Variants in SLC1A2 observed in about 807,000 individuals in gnomAD.
The protein encoded by SLC1A2 is excitatory amino acid transporter 2.
A neutral mutation model predicts 48.8 loss-of-function variants in SLC1A2; 15 were observed. The ratio of observed to expected loss-of-function variants is 0.31; its 90% CI spans 0.21 to 0.47. SLC1A2 has a LOEUF of 0.47. SLC1A2 is among the 20% of genes least tolerant of loss of function. The pLI is 0.99. For missense variants in SLC1A2, 502 were observed against 730.5 expected (o/e 0.69, Z 3.61); for synonymous variants, 279 against 272.6 (o/e 1.02, Z -0.23).
intron 1 of SLC1A2, among the ~76,000 whole-genome samples, chr11:35,401,962 C>T (rs1855152606): frequency 6.6e-6 from 1 of 152,030 alleles, no homozygotes; most frequent in Admixed American, 6.6e-5. Context: ...TTCCTGTGCC[C>T]CCACCCAACA....
chr11:35,296,442 T>G (rs1225313983), intron 6 of SLC1A2, among the ~76,000 whole-genome samples: 1 of 152,200 alleles, frequency 6.6e-6, no homozygotes, highest in Non-Finnish European at 1.5e-5. Context: ...TTGTTAAAAG[T>G]TACCATTTGT....
intron 1 of SLC1A2, among the ~76,000 whole-genome samples, chr11:35,374,901 A>C (rs987784861): frequency 5.9e-5 from 9 of 152,210 alleles, no homozygotes; most frequent in African/African-American, 1.9e-4. Flanking sequence ...TAAATCGTAC[A>C]TGTGTATAGT....
intron 1 of SLC1A2, among the ~76,000 whole-genome samples, chr11:35,353,983 G>A (rs1853364474): frequency 6.6e-6 from 1 of 152,106 alleles, no homozygotes; most frequent in Non-Finnish European, 1.5e-5. Context: ...TGGTACCACT[G>A]GTTAAAAATC....
chr11:35,292,660 A>C, intron 6 of SLC1A2, 140 bp from the exon 7 acceptor site: 1 of 583,700 alleles, frequency 1.7e-6, no homozygotes, highest in East Asian at 2.8e-5. Flanking sequence ...AGTTCATGTT[A>C]TTTTTTACTT....
intron 1 of SLC1A2, among the ~76,000 whole-genome samples, chr11:35,380,183 A>C (rs1215585665): frequency 2.0e-5 from 3 of 152,188 alleles, no homozygotes; most frequent in Non-Finnish European, 4.4e-5. Context: ...CAAGTTCCCA[A>C]ACTGTAGATG....
At chr11:35,332,837 G>A (rs1443044707) in intron 1 of SLC1A2, among the ~76,000 whole-genome samples, 1 of 152,178 alleles carries the variant, frequency 6.6e-6, no homozygotes, top group East Asian at 1.9e-4. Context: ...GAAGTCTGCA[G>A]CACACGCTAC....
chr11:35,380,216 C>T (rs1854377852), intron 1 of SLC1A2: 1 of 396,116 alleles, frequency 2.5e-6, no homozygotes, highest in Non-Finnish European at 4.4e-6. Context: ...TGCCAATACC[C>T]TCAGCTCTGC....
At position 35,255,951 on chromosome 11, in the gene SLC1A2, T is replaced by A. The variant is rs1950309964; in HGVS notation, c.*4943A>T. ...AAAATCTAAATTGATTATTCATTAT[T>A]GTGGGCTACTTCAACTTAAAATGTA... On this transcript the variant is annotated 3_prime_UTR_variant, in exon 11 of 11. Transcript: ENST00000278379. 1 of 152,236 alleles carries A rather than the reference T, an allele frequency of 6.6e-6. No homozygotes were observed. The highest frequency in any genetic ancestry group is 1.5e-5 in the Non-Finnish European group (1 of 68,046). 9.4% of individuals were successfully genotyped at this position (152,236 alleles called of 1,614,324 possible).
rs554392323 is a variant in SLC1A2, at chr11:35,391,892, A to G, written c.17+27058T>C. On this transcript the variant is annotated intron_variant, in intron 1 of 10. Transcript: ENST00000278379. ...TGGATATCCAAAGTCACTTTGGGGGAAAAAGGAGCGTAGGAAAGATTGCAA... is the reference window on the plus strand; with the variant it reads ...TGGATATCCAAAGTCACTTTGGGGGGAAAAGGAGCGTAGGAAAGATTGCAA... Among the ~76,000 whole-genome samples the G allele has an allele frequency of 1.5e-4, 23 of 152,042 alleles. No homozygotes were observed. In the East Asian group the frequency reaches 3.5e-3, roughly 23 times the overall value.
intron 7 of SLC1A2, among the ~76,000 whole-genome samples, chr11:35,288,427 GCTTGCTAT>G (rs1460680068): frequency 6.6e-6 from 1 of 152,178 alleles, no homozygotes; most frequent in Non-Finnish European, 1.5e-5. Flanking sequence ...ATCAGACCTA[GCTTGCTAT>G]CTTAATGAGA....
chr11:35,312,510 T>A, intron 3 of SLC1A2, 62 bp from the exon 4 acceptor site: 1 of 1,558,884 alleles, frequency 6.4e-7, no homozygotes, highest in Non-Finnish European at 8.8e-7. Flanking sequence ...GACCTGTGTC[T>A]ACATTTCTAT....
intron 10 of SLC1A2, among the ~76,000 whole-genome samples, chr11:35,261,369 G>A (rs551167806): frequency 1.3e-3 from 203 of 152,224 alleles, no homozygotes; most frequent in African/African-American, 4.9e-3. Context: ...GCATGTGAAA[G>A]GTTCAGTTGC....
chr11:35,407,494 G>A (rs1855334909), intron 1 of SLC1A2, among the ~76,000 whole-genome samples: 1 of 152,122 alleles, frequency 6.6e-6, no homozygotes, highest in African/African-American at 2.4e-5. Context: ...ATATAATCCT[G>A]CTCTTGCCTT....
intron 1 of SLC1A2, among the ~76,000 whole-genome samples, chr11:35,382,672 T>C (rs965803967): frequency 1.3e-5 from 2 of 152,154 alleles, no homozygotes; most frequent in East Asian, 1.9e-4. Flanking sequence ...GGCAGGTGCC[T>C]GTAGCCCCAG....
At chr11:35,263,336 C>T (rs916674809) in intron 10 of SLC1A2, among the ~76,000 whole-genome samples, 3 of 152,056 alleles carry the variant, frequency 2.0e-5, no homozygotes, top group Admixed American at 6.5e-5. Context: ...GGCATGGTGG[C>T]ACATGACTGT....
intron 1 of SLC1A2, among the ~76,000 whole-genome samples, chr11:35,414,790 T>C (rs952451869): frequency 6.6e-6 from 1 of 152,244 alleles, no homozygotes; most frequent in African/African-American, 2.4e-5. Context: ...CTACTATTCC[T>C]AGAAGATTTA....
chr11:35,319,978 A>G (rs1251381762), intron 1 of SLC1A2, among the ~76,000 whole-genome samples: 2 of 152,214 alleles, frequency 1.3e-5, no homozygotes, highest in Non-Finnish European at 2.9e-5. Flanking sequence ...GGAAACACAG[A>G]GTCCCCCAAG....
intron 9 of SLC1A2, among the ~76,000 whole-genome samples, chr11:35,271,651 G>C (rs1850281998): frequency 6.6e-6 from 1 of 152,092 alleles, no homozygotes; most frequent in South Asian, 2.1e-4. Flanking sequence ...AGATCAGCCT[G>C]GCCAGCACGG....
chr11:35,361,968 A>G (rs998449129), intron 1 of SLC1A2, among the ~76,000 whole-genome samples: 1 of 152,216 alleles, frequency 6.6e-6, no homozygotes, highest in Non-Finnish European at 1.5e-5. Context: ...AGACACAGTG[A>G]GACCCTGTCT....
Sources: gnomAD v4.1 joint callset for allele counts (sites outside exome capture counted in the v4.1 genomes callset) on GRCh38, gnomAD v4.1.1 for gene constraint, MANE v1.5 for transcripts, NCBI Gene and HGNC (gene_info 2026-07-23, HGNC 2026-07-21) for gene names.